Variants in SAMD13 observed in about 807,000 individuals in gnomAD.
SAMD13 encodes the protein sterile alpha motif domain containing 13, also known as sterile alpha motif domain-containing protein 13.
Under a neutral mutation model 12.4 loss-of-function variants are expected in SAMD13, and 9 were observed. The ratio of observed to expected loss-of-function variants is 0.72; its 90% CI spans 0.44 to 1.26. SAMD13 has a LOEUF of 1.26. SAMD13 is among the 50% of genes most tolerant of loss of function. The probability of loss-of-function intolerance (pLI) is 0.00; values close to 1 mark genes in which losing one functional copy is unlikely to be tolerated. For missense variants in SAMD13, 84 were observed against 119.6 expected (o/e 0.70, Z 1.39); for synonymous variants, 46 against 45.4 (o/e 1.01, Z -0.05).
intron 2 of SAMD13, 186 bp downstream of exon 2, chr1:84,303,473 A>G (rs1428893105): frequency 2.1e-6 from 1 of 487,422 alleles, no homozygotes; most frequent in Non-Finnish European, 3.8e-6. Context: ...CATTTCTAAG[A>G]CAGAGATGAC....
At chr1:84,345,463 G>A (rs757694478) in intron 3 of SAMD13, among the ~76,000 whole-genome samples, 7 of 152,290 alleles carry the variant, frequency 4.6e-5, no homozygotes, top group Non-Finnish European at 1.0e-4. Flanking sequence ...AACCTAGTAA[G>A]TAGCAGGCAG....
intron 3 of SAMD13, among the ~76,000 whole-genome samples, chr1:84,346,448 AATG>A (rs1679537107): frequency 6.6e-6 from 1 of 152,224 alleles, no homozygotes; most frequent in Non-Finnish European, 1.5e-5. Flanking sequence ...GACACTAACA[AATG>A]ATTATCAGTT....
chr1:84,301,605 A>C, upstream of SAMD13: 1 of 985,464 alleles, frequency 1.0e-6, no homozygotes, highest in Non-Finnish European at 1.2e-6. Flanking sequence ...GCCATGAACC[A>C]GAAGGCAGTT....
chr1:84,306,488 C>A (rs1678575837), intron 2 of SAMD13, among the ~76,000 whole-genome samples: 1 of 151,804 alleles, frequency 6.6e-6, no homozygotes, highest in South Asian at 2.1e-4. Flanking sequence ...CTGAGTAGAA[C>A]CTTCAGTGAA....
intron 2 of SAMD13, among the ~76,000 whole-genome samples, chr1:84,316,081 A>G (rs994605524): frequency 6.6e-6 from 1 of 152,044 alleles, no homozygotes; most frequent in Non-Finnish European, 1.5e-5. Flanking sequence ...TTTTTTTGCT[A>G]TAGAATTGTA....
intron 2 of SAMD13, among the ~76,000 whole-genome samples, chr1:84,314,288 A>C (rs374583325): frequency 8.5e-5 from 13 of 152,264 alleles, no homozygotes; most frequent in South Asian, 8.3e-4. Flanking sequence ...ACATCTAGAA[A>C]TGAATAAAAA....
intron 2 of SAMD13, among the ~76,000 whole-genome samples, chr1:84,315,413 G>A (rs1678811954): frequency 6.6e-6 from 1 of 152,092 alleles, no homozygotes; most frequent in Non-Finnish European, 1.5e-5. Context: ...GAAAATGTCA[G>A]GATTTCTTTC....
chr1:84,312,940 C>T (rs936649548), intron 2 of SAMD13, among the ~76,000 whole-genome samples: 1 of 152,008 alleles, frequency 6.6e-6, no homozygotes, highest in African/African-American at 2.4e-5. Flanking sequence ...ATGATTAACT[C>T]AGGTGGGGAG....
At chr1:84,325,892 G>A in intron 3 of SAMD13, 144 bp downstream of exon 3, 1 of 617,482 alleles carries the variant, frequency 1.6e-6, no homozygotes, top group South Asian at 1.9e-5. Context: ...CTGAGGGGAA[G>A]GAGAATGGAT....
upstream of SAMD13, among the ~76,000 whole-genome samples, chr1:84,298,805 G>C (rs1678372875): frequency 2.6e-5 from 4 of 152,124 alleles, no homozygotes; most frequent in Admixed American, 6.5e-5. Flanking sequence ...CTCGCCTGGG[G>C]CTGCTGGCAG....
chr1:84,345,273 G>A, intron 3 of SAMD13: 1 of 453,718 alleles, frequency 2.2e-6, no homozygotes, highest in Non-Finnish European at 4.4e-6. Context: ...CCACATCATT[G>A]GTAAGAAGTT....
At chr1:84,319,980 A>T (rs566731930) in intron 2 of SAMD13, among the ~76,000 whole-genome samples, 1 of 152,246 alleles carries the variant, frequency 6.6e-6, no homozygotes, top group South Asian at 2.1e-4. Context: ...TTGACTTTCC[A>T]TCCTTCTTTC....
At chr1:84,325,967 GAGA>G (rs1236251236) in intron 3 of SAMD13, among the ~76,000 whole-genome samples, 1 of 152,184 alleles carries the variant, frequency 6.6e-6, no homozygotes, top group Non-Finnish European at 1.5e-5. Context: ...GGCAGCTGTG[GAGA>G]AGAAGGCTAA....
intron 3 of SAMD13, among the ~76,000 whole-genome samples, chr1:84,343,816 A>G (rs540186119): frequency 6.6e-6 from 1 of 152,322 alleles, no homozygotes; most frequent in African/African-American, 2.4e-5. Flanking sequence ...ACATTTACCT[A>G]TGTAACAAAC....
chr1:84,311,779 T>A (rs1678718235), intron 2 of SAMD13, among the ~76,000 whole-genome samples: 1 of 152,242 alleles, frequency 6.6e-6, no homozygotes, highest in African/African-American at 2.4e-5. Flanking sequence ...AATTTTTGTA[T>A]ATCTAGCTAA....
intron 3 of SAMD13, among the ~76,000 whole-genome samples, chr1:84,329,378 T>C (rs1027068118): frequency 1.3e-5 from 2 of 152,218 alleles, no homozygotes; most frequent in African/African-American, 2.4e-5. Context: ...ATGGCAAACA[T>C]GTCCACCATC....
chr1:84,349,502 CT>C (rs1168354491), intron 3 of SAMD13, 128 bp from the exon 4 acceptor site: 1 of 1,446,988 alleles, frequency 6.9e-7, no homozygotes, highest in Non-Finnish European at 9.2e-7. Flanking sequence ...CATTTTGGCA[CT>C]ACTACAAATG....
chr1:84,317,462 C>T lies in SAMD13; in HGVS notation c.54-8175C>T, dbSNP rs369878096. 1.5e-4 allele frequency among the ~76,000 whole-genome samples: 23 copies of T among 151,848 alleles called. No homozygotes were observed. The East Asian group carries it at 1.7e-3, about 11-fold the overall frequency. Reference sequence around the variant, plus strand: ...AAACACTTTTTTTATCTTAGACGATCGTGTGATTTTTATCCTTCATTCTGT... The same window carrying T: ...AAACACTTTTTTTATCTTAGACGATTGTGTGATTTTTATCCTTCATTCTGT... On this transcript the variant is annotated intron_variant, in intron 2 of 3. Transcript: ENST00000394834.
intron 3 of SAMD13, among the ~76,000 whole-genome samples, chr1:84,348,331 G>GCTT (rs1456965065): frequency 2.0e-5 from 3 of 152,130 alleles, no homozygotes; most frequent in African/African-American, 7.2e-5. Flanking sequence ...TCCCAGCCTG[G>GCTT]CAAGCAAGGC....
Sources: allele counts gnomAD v4.1 joint callset (sites outside exome capture counted in the v4.1 genomes callset), GRCh38; gene constraint gnomAD v4.1.1; transcripts MANE v1.5; gene names NCBI Gene and HGNC (gene_info 2026-07-23, HGNC 2026-07-21).